The following IQCM variants were observed in gnomAD, a reference collection of about 807,000 sequenced individuals.
IQCM encodes the protein IQ motif containing M.
IQCM carries 45 observed loss-of-function variants against 57.6 expected under a neutral mutation model. The observed-to-expected ratio is 0.78, with a 90% CI of 0.62 to 1.00. The LOEUF is 1.00. Ranked by LOEUF, IQCM falls within the 50% of genes least tolerant of loss-of-function variation. The pLI, the probability that IQCM is intolerant of heterozygous loss-of-function variation, is 0.00. For missense variants in IQCM, 468 were observed against 511.6 expected (o/e 0.91, Z 0.82); for synonymous variants, 148 against 158.9 (o/e 0.93, Z 0.51).
chr4:149,711,295 C>T (rs996251154), intron 5 of IQCM: 1 of 152,148 alleles, frequency 6.6e-6, no homozygotes. Context: ...CCTCCACATA[C>T]CCCAGTTACT....
At chr4:149,663,645 G>A (rs762613573) in intron 7 of IQCM, among the ~76,000 whole-genome samples, 19 of 151,810 alleles carry the variant, frequency 1.3e-4, no homozygotes, top group Non-Finnish European at 2.4e-4. Flanking sequence ...TTTTTAGTAT[G>A]TTGAATATAC....
At chr4:149,584,443 T>C (rs1752479680) in intron 9 of IQCM, among the ~76,000 whole-genome samples, 2 of 151,722 alleles carry the variant, frequency 1.3e-5, no homozygotes, top group Admixed American at 1.3e-4. Flanking sequence ...TGAATACTTA[T>C]ATAGCAGAAT....
At chr4:149,569,296 A>AT in intron 9 of IQCM, among the ~76,000 whole-genome samples, 1 of 152,284 alleles carries the variant, frequency 6.6e-6, no homozygotes. Flanking sequence ...TGTCAAATTG[A>AT]TTTTTTCAAA....
intron 5 of IQCM, among the ~76,000 whole-genome samples, chr4:149,697,041 A>C (rs1376362121): frequency 6.6e-6 from 1 of 152,110 alleles, no homozygotes; most frequent in Non-Finnish European, 1.5e-5. Context: ...AGAGGCCTGC[A>C]TATCTTTTAA....
chr4:149,493,248 T>C (rs896942717), intron 12 of IQCM, among the ~76,000 whole-genome samples: 1 of 152,104 alleles, frequency 6.6e-6, no homozygotes, highest in African/African-American at 2.4e-5. Context: ...TTCTTTTTTT[T>C]CCCTCATTGA....
chr4:149,470,343 C>T (rs1360424805), intron 12 of IQCM, among the ~76,000 whole-genome samples: 1 of 151,034 alleles, frequency 6.6e-6, no homozygotes, highest in Non-Finnish European at 1.5e-5. Context: ...ATAAAAAAGA[C>T]TTTAAACCAA....
intron 2 of IQCM, among the ~76,000 whole-genome samples, chr4:149,813,189 C>T (rs896996186): frequency 9.2e-5 from 14 of 152,230 alleles, no homozygotes; most frequent in African/African-American, 3.4e-4. Context: ...AAATCCTTCT[C>T]AGCTAAGTAA....
chr4:149,812,731 T>A (rs1406004062), intron 2 of IQCM, among the ~76,000 whole-genome samples: 4 of 152,178 alleles, frequency 2.6e-5, no homozygotes, highest in African/African-American at 9.6e-5. Context: ...TCTGCCCTTA[T>A]ACCAGGTATA....
chr4:149,430,285 A>G, intron 13 of IQCM, among the ~76,000 whole-genome samples: 1 of 151,950 alleles, frequency 6.6e-6, no homozygotes, highest in Non-Finnish European at 1.5e-5. Flanking sequence ...TTTTAAAAAT[A>G]CTACCAAAAT....
At chr4:149,512,271 T>C (rs1744506361) in intron 12 of IQCM, among the ~76,000 whole-genome samples, 1 of 152,032 alleles carries the variant, frequency 6.6e-6, no homozygotes, top group Admixed American at 6.6e-5. Flanking sequence ...GGGGGGGCAG[T>C]GTGGGAATGG....
chr4:149,423,289 C>CT (rs1011219022), intron 13 of IQCM, among the ~76,000 whole-genome samples: 7 of 152,120 alleles, frequency 4.6e-5, no homozygotes, highest in African/African-American at 1.7e-4. Context: ...GAAACAGCCA[C>CT]TTACAAAGCC....
intron 12 of IQCM, among the ~76,000 whole-genome samples, chr4:149,516,665 G>A (rs1440293508): frequency 6.6e-6 from 1 of 152,092 alleles, no homozygotes; most frequent in African/African-American, 2.4e-5. Context: ...ATCAAGGGGT[G>A]GAAGTAGAAG....
At chr4:149,613,839 A>G (rs940796536) in intron 8 of IQCM, among the ~76,000 whole-genome samples, 8 of 151,866 alleles carry the variant, frequency 5.3e-5, no homozygotes, top group African/African-American at 1.7e-4. Context: ...TTGTCCTTGC[A>G]ATAGTTTGCT....
chr4:149,477,438 A>C (rs1740317297), intron 12 of IQCM, among the ~76,000 whole-genome samples: 1 of 152,134 alleles, frequency 6.6e-6, no homozygotes, highest in African/African-American at 2.4e-5. Flanking sequence ...AGGACATGTG[A>C]AAAACCAGGA....
At chr4:149,566,482 T>TTGTGTG (rs150092712) in intron 9 of IQCM, among the ~76,000 whole-genome samples, 2 of 151,022 alleles carry the variant, frequency 1.3e-5, no homozygotes, top group African/African-American at 4.9e-5. Flanking sequence ...ACTGAAAAGT[T>TTGTGTG]TGTGTGTGTG....
At chr4:149,586,422 C>T (rs1343275895) in intron 9 of IQCM, among the ~76,000 whole-genome samples, 1 of 151,512 alleles carries the variant, frequency 6.6e-6, no homozygotes, top group East Asian at 1.9e-4. Context: ...TATTATTATT[C>T]TAATGTCTAT....
chr4:149,735,307 C>A, intron 4 of IQCM, 69 bp downstream of exon 4: 1 of 693,270 alleles, frequency 1.4e-6, no homozygotes, highest in Non-Finnish European at 2.0e-6. Flanking sequence ...TTTATGCAAT[C>A]CTTTGGGAGA....
intron 13 of IQCM, among the ~76,000 whole-genome samples, chr4:149,379,691 T>A: frequency 6.6e-6 from 1 of 152,232 alleles, no homozygotes; most frequent in East Asian, 1.9e-4. Flanking sequence ...TTGCTTTGTC[T>A]TAGATAAGAC....
chr4:149,686,229 T>C (rs1762537419), intron 6 of IQCM, 149 bp downstream of exon 6: 4 of 394,092 alleles, frequency 1.0e-5, no homozygotes, highest in Non-Finnish European at 1.8e-5. Context: ...ATAATTGATA[T>C]GCTTTGAGGA....
Sources: allele counts gnomAD v4.1 joint callset (sites outside exome capture counted in the v4.1 genomes callset), GRCh38; gene constraint gnomAD v4.1.1; transcripts MANE v1.5; gene names NCBI Gene and HGNC (gene_info 2026-07-23, HGNC 2026-07-21).